The following ARID1B variants were observed in gnomAD, a reference collection of about 807,000 sequenced individuals.
The protein encoded by ARID1B is AT-rich interactive domain-containing protein 1B.
ARID1B carries 30 observed loss-of-function variants against 212.3 expected under a neutral mutation model. That is an observed-to-expected ratio of 0.14 (90% confidence interval 0.11 to 0.19). The LOEUF (loss-of-function observed/expected upper bound fraction) is 0.19. ARID1B is among the 10% of genes least tolerant of loss of function. The pLI, the probability that ARID1B is intolerant of heterozygous loss-of-function variation, is 1.00. For missense variants in ARID1B, 2,891 were observed against 3,204.0 expected (o/e 0.90, Z 2.36); for synonymous variants, 1,402 against 1,301.7 (o/e 1.08, Z -1.66).
chr6:157,000,076 AAGG>A (rs1778821801), intron 4 of ARID1B, among the ~76,000 whole-genome samples: 1 of 152,304 alleles, frequency 6.6e-6, no homozygotes, highest in East Asian at 1.9e-4. Flanking sequence ...CTAAAATCTG[AAGG>A]AGAAGGAGCC....
At chr6:156,882,412 G>C (rs1787171574) in intron 2 of ARID1B, among the ~76,000 whole-genome samples, 1 of 152,098 alleles carries the variant, frequency 6.6e-6, no homozygotes, top group Non-Finnish European at 1.5e-5. Flanking sequence ...CCATCTACAG[G>C]GCCTGGGATG....
At chr6:157,205,033 A>G (rs1794350990) in intron 19 of ARID1B, 3 of 152,230 alleles carry the variant, frequency 2.0e-5, no homozygotes, top group Admixed American at 2.0e-4. Context: ...AAAACTGTAT[A>G]CTGCATTTGC....
rs537707182 is a variant in ARID1B at position 157,045,339 on chromosome 6, T to C, written c.2248-39323T>C. Among the ~76,000 whole-genome samples, 12 of 152,358 alleles carry C rather than the reference T, an allele frequency of 7.9e-5. No individual in the cohort carries two copies. The South Asian group carries it at 2.5e-3, about 32-fold the overall frequency. On this transcript the variant is annotated intron_variant, in intron 4 of 19. Transcript: ENST00000636930. ...AAGATTCTACCCAATAAAATAGTTA[T>C]TTCTTTTATGAGTGTAACCACATGA... is the stretch of plus-strand genomic sequence containing the variant.
At chr6:157,183,117 T>G (rs573527218) in intron 12 of ARID1B, among the ~76,000 whole-genome samples, 37 of 152,176 alleles carry the variant, frequency 2.4e-4, no homozygotes, top group Non-Finnish European at 5.1e-4. Context: ...CTGTGTACCT[T>G]GTGGGCATCA....
At chr6:156,945,267 T>G (rs1368798099) in intron 4 of ARID1B, among the ~76,000 whole-genome samples, 13 of 126,160 alleles carry the variant, frequency 1.0e-4, no homozygotes, top group African/African-American at 4.3e-4. Context: ...TTTTTTTTTT[T>G]TGTGAGTGTT....
At chr6:157,158,462 A>G (rs1790708165) in intron 8 of ARID1B, among the ~76,000 whole-genome samples, 2 of 152,228 alleles carry the variant, frequency 1.3e-5, no homozygotes, top group African/African-American at 4.8e-5. Context: ...AATTTTCTTA[A>G]GCCCACTGAC....
At chr6:157,103,272 T>C (rs1262520133) in intron 5 of ARID1B, among the ~76,000 whole-genome samples, 1 of 152,170 alleles carries the variant, frequency 6.6e-6, no homozygotes, top group Non-Finnish European at 1.5e-5. Context: ...CAAATACTTA[T>C]TGAATGGTTA....
chr6:157,153,683 G>T (rs1390050290), intron 8 of ARID1B, among the ~76,000 whole-genome samples: 1 of 152,148 alleles, frequency 6.6e-6, no homozygotes, highest in Non-Finnish European at 1.5e-5. Flanking sequence ...GTGGATCCCA[G>T]GCTAAACACA....
chr6:157,006,824 A>G (rs1293274752), intron 4 of ARID1B, among the ~76,000 whole-genome samples: 4 of 152,256 alleles, frequency 2.6e-5, no homozygotes, highest in Non-Finnish European at 5.9e-5. Flanking sequence ...TTTATTCACA[A>G]GAAAGTTTAC....
chr6:157,209,024 T>A lies in ARID1B; in HGVS notation c.*1133T>A, dbSNP rs11858. The stretch of plus-strand genomic sequence containing the variant: ...ATTTAGAAAATGGTTACCAGTACAG[T>A]CAAAAAAGAGAAAATGAAAAAAATA... On this transcript the variant is annotated 3_prime_UTR_variant, in exon 20 of 20. Coordinates refer to ENST00000636930, the MANE Select transcript of ARID1B (RefSeq NM_001374828.1). 15,913 of 226,644 alleles carry A rather than the reference T, an allele frequency of 0.07. 1,119 individuals are homozygous for A. The highest frequency in any genetic ancestry group is 0.2 in the African/African-American group (9,093 of 44,386). The allele number at this position is 226,644 out of a possible 1,614,324, so 14.0% of individuals were successfully genotyped here. A position where few individuals can be genotyped will look rare whatever the true frequency, so the allele number is the denominator to read the frequency against.
rs1053584840 is a variant in ARID1B at position 157,153,220 on chromosome 6, A to T, written c.3089+4269A>T. ...CATAGATTAATTTTTTTTCTTTTTC[A>T]CCTTTTGAGTAAATTCCTCATTTTG... On this transcript the variant is annotated intron_variant, in intron 8 of 19. Coordinates refer to ENST00000636930, the MANE Select transcript of ARID1B (RefSeq NM_001374828.1). Among the ~76,000 whole-genome samples the T allele has an allele frequency of 2.0e-5, 3 of 152,034 alleles. No individual in the cohort carries two copies. In the South Asian group the frequency reaches 6.2e-4, roughly 32 times the overall value.
chr6:157,097,134 C>T (rs1443841821), intron 5 of ARID1B, among the ~76,000 whole-genome samples: 1 of 152,128 alleles, frequency 6.6e-6, no homozygotes, highest in African/African-American at 2.4e-5. Flanking sequence ...TAAGTTTTAT[C>T]ATGAAAACAA....
At chr6:157,115,940 C>T (rs909885699) in intron 6 of ARID1B, among the ~76,000 whole-genome samples, 8 of 152,238 alleles carry the variant, frequency 5.3e-5, no homozygotes, top group African/African-American at 1.4e-4. Context: ...AAAAATCAAG[C>T]AGTGTAAATT....
chr6:156,991,145 C>A (rs1041875361), intron 4 of ARID1B, among the ~76,000 whole-genome samples: 1 of 152,212 alleles, frequency 6.6e-6, no homozygotes, highest in Non-Finnish European at 1.5e-5. Context: ...GAGACAGTTT[C>A]AACCCTGGCA....
At chr6:157,115,746 TAAAG>T (rs959498483) in intron 6 of ARID1B, among the ~76,000 whole-genome samples, 47 of 152,156 alleles carry the variant, frequency 3.1e-4, no homozygotes, top group Admixed American at 6.5e-5. Flanking sequence ...TTTAACTAAA[TAAAG>T]AAAATTAGTT....
intron 1 of ARID1B, among the ~76,000 whole-genome samples, chr6:156,781,073 T>C (rs1158230443): frequency 6.6e-6 from 1 of 152,230 alleles, no homozygotes; most frequent in Non-Finnish European, 1.5e-5. Flanking sequence ...GCTTCATTTT[T>C]TTGTGATTTA....
At chr6:157,164,674 TC>T (rs1791198111) in intron 8 of ARID1B, 1 of 152,176 alleles carries the variant, frequency 6.6e-6, no homozygotes. Context: ...TAGGCCCAGA[TC>T]CTCCTCTCAG....
chr6:157,197,293 G>A lies in ARID1B; in HGVS notation c.4382+978G>A, dbSNP rs557142736. Among the ~76,000 whole-genome samples, 5 of 152,358 alleles carry A rather than the reference G, an allele frequency of 3.3e-5. No homozygotes were observed. In the South Asian group the frequency reaches 6.2e-4, roughly 19 times the overall value. ...TGTGCCACAGGGTGGAGCTGACTTC[G>A]GGATCGCGGCCTTCGGAAGCTGCGT... On this transcript the variant is annotated intron_variant, in intron 16 of 19. Transcript: ENST00000636930.
At chr6:157,037,172 C>T (rs1781386837) in intron 4 of ARID1B, among the ~76,000 whole-genome samples, 1 of 152,022 alleles carries the variant, frequency 6.6e-6, no homozygotes, top group Non-Finnish European at 1.5e-5. Flanking sequence ...TAAATTTTGC[C>T]CCAGTTTGGG....
Sources: allele counts gnomAD v4.1 joint callset (sites outside exome capture counted in the v4.1 genomes callset), GRCh38; gene constraint gnomAD v4.1.1; transcripts MANE v1.5; gene names NCBI Gene and HGNC (gene_info 2026-07-23, HGNC 2026-07-21).